PRKCB: variants seen among roughly 807,000 people sequenced by gnomAD.
PRKCB encodes the protein protein kinase C beta.
In PRKCB, 13 loss-of-function variants were observed where a neutral mutation model predicts 81.5. That is an observed-to-expected ratio of 0.16 (90% CI 0.10 to 0.25). The LOEUF is 0.25. PRKCB is among the 10% of genes least tolerant of loss of function. The probability of loss-of-function intolerance (pLI) is 1.00; values close to 1 mark genes in which losing one functional copy is unlikely to be tolerated. For missense variants in PRKCB, 509 were observed against 875.7 expected (o/e 0.58, Z 5.29); for synonymous variants, 335 against 321.4 (o/e 1.04, Z -0.45).
intron 2 of PRKCB, among the ~76,000 whole-genome samples, chr16:23,839,816 G>C (rs1011797557): frequency 6.6e-6 from 1 of 152,180 alleles, no homozygotes; most frequent in Non-Finnish European, 1.5e-5. Flanking sequence ...CAATATCCAA[G>C]ATTCTTGGAC....
intron 2 of PRKCB, among the ~76,000 whole-genome samples, chr16:23,848,308 C>T (rs1962413353): frequency 6.6e-6 from 1 of 152,120 alleles, no homozygotes; most frequent in Non-Finnish European, 1.5e-5. Flanking sequence ...CTTGCCATGA[C>T]TCAAATCCTG....
chr16:23,840,340 C>A (rs926166654), intron 2 of PRKCB, among the ~76,000 whole-genome samples: 1 of 152,130 alleles, frequency 6.6e-6, no homozygotes, highest in African/African-American at 2.4e-5. Flanking sequence ...GCTCCACTAT[C>A]CCTGGGGAGT....
intron 2 of PRKCB, among the ~76,000 whole-genome samples, chr16:23,920,580 C>T (rs1475328779): frequency 2.0e-5 from 3 of 152,194 alleles, no homozygotes; most frequent in African/African-American, 7.2e-5. Flanking sequence ...AGCAGAGCCC[C>T]TGGAAAGGCT....
intron 2 of PRKCB, among the ~76,000 whole-genome samples, chr16:23,901,338 T>C (rs1459031553): frequency 6.6e-6 from 1 of 152,094 alleles, no homozygotes; most frequent in African/African-American, 2.4e-5. Flanking sequence ...TGGGTTCTCT[T>C]GCTTAAAAAA....
intron 3 of PRKCB, among the ~76,000 whole-genome samples, chr16:24,020,974 CTTTTTCTTTCTTTCTTTCTTTCTTTCTT>C (rs1229837012): frequency 1.2e-4 from 12 of 96,442 alleles, no homozygotes; most frequent in African/African-American, 4.4e-4. Context: ...AGAGACTTTT[CTTTTTCTTTCTTTCTTTCTTTCTTTCTT>C]TCTTTCTTTC....
chr16:23,939,873 G>A (rs146293977), intron 2 of PRKCB, among the ~76,000 whole-genome samples: 1 of 152,236 alleles, frequency 6.6e-6, no homozygotes, highest in African/African-American at 2.4e-5. Context: ...GAAACTAAAC[G>A]CTATTGTTCT....
At chr16:24,103,161 C>T (rs1417483402) in intron 7 of PRKCB, among the ~76,000 whole-genome samples, 1 of 152,210 alleles carries the variant, frequency 6.6e-6, no homozygotes, top group Admixed American at 6.5e-5. Flanking sequence ...GTGTGAACCA[C>T]CGCACGTGGC....
intron 2 of PRKCB, among the ~76,000 whole-genome samples, chr16:23,902,732 C>CCCTCCCTCCCTCCCTTCCCT (rs1175142476): frequency 9.0e-5 from 1 of 11,114 alleles, no homozygotes; most frequent in Admixed American, 1.1e-3. Flanking sequence ...CTCCCTTCCT[C>CCCTCCCTCCCTCCCTTCCCT]CCTTCCTTCC....
At chr16:24,149,219 T>G (rs1156262884) in intron 9 of PRKCB, among the ~76,000 whole-genome samples, 1 of 152,170 alleles carries the variant, frequency 6.6e-6, no homozygotes, top group African/African-American at 2.4e-5. Context: ...CCACATTCTG[T>G]TCATTAAGGC....
At chr16:23,942,308 C>T (rs373788244) in intron 2 of PRKCB, among the ~76,000 whole-genome samples, 9 of 152,322 alleles carry the variant, frequency 5.9e-5, no homozygotes, top group Admixed American at 2.0e-4. Context: ...TTCTTTTAAA[C>T]GTCACACTTG....
At chr16:23,895,331 TCAAA>T (rs1356857112) in intron 2 of PRKCB, among the ~76,000 whole-genome samples, 3 of 152,152 alleles carry the variant, frequency 2.0e-5, no homozygotes, top group African/African-American at 2.4e-5. Flanking sequence ...ATTTTTCCCC[TCAAA>T]CAACCACCTC....
chr16:24,209,003 G>A (rs1225710050), intron 16 of PRKCB, among the ~76,000 whole-genome samples: 5 of 152,188 alleles, frequency 3.3e-5, no homozygotes, highest in African/African-American at 1.2e-4. Context: ...AGGCAGGAGG[G>A]AGTGGGGAGA....
chr16:23,941,749 G>A (rs995222924), intron 2 of PRKCB, among the ~76,000 whole-genome samples: 3 of 152,118 alleles, frequency 2.0e-5, no homozygotes, highest in Admixed American at 6.5e-5. Flanking sequence ...TACTTTTTCA[G>A]CATGATGAAG....
At chr16:24,206,717 A>T (rs1968052622) in intron 16 of PRKCB, among the ~76,000 whole-genome samples, 1 of 152,154 alleles carries the variant, frequency 6.6e-6, no homozygotes, top group East Asian at 1.9e-4. Context: ...CAATGGCAGC[A>T]CCTGTCCCAT....
intron 5 of PRKCB, among the ~76,000 whole-genome samples, chr16:24,038,911 A>T (rs574230465): frequency 2.8e-4 from 42 of 152,264 alleles, no homozygotes; most frequent in Admixed American, 2.0e-3. Flanking sequence ...GTGCTGTGGG[A>T]TGACTTGTGT....
intron 2 of PRKCB, among the ~76,000 whole-genome samples, chr16:23,941,068 A>G (rs1964135268): frequency 6.6e-6 from 1 of 152,190 alleles, no homozygotes; most frequent in Non-Finnish European, 1.5e-5. Flanking sequence ...GACTGCCTAG[A>G]TTAGGGGTTG....
chr16:24,185,370 G>T, intron 14 of PRKCB, 90 bp from the exon 15 acceptor site: 2 of 1,296,480 alleles, frequency 1.5e-6, no homozygotes, highest in Non-Finnish European at 2.2e-6. Context: ...TTCACTGTGG[G>T]CCCCAGGGAG....
chr16:24,155,170 G>A (rs1258236948), intron 10 of PRKCB, among the ~76,000 whole-genome samples: 1 of 152,214 alleles, frequency 6.6e-6, no homozygotes, highest in African/African-American at 2.4e-5. Flanking sequence ...TTCACAGCTT[G>A]TGGATCTAGA....
At chr16:24,120,212 G>A (rs56382598) in intron 8 of PRKCB, among the ~76,000 whole-genome samples, 6 of 152,196 alleles carry the variant, frequency 3.9e-5, no homozygotes, top group South Asian at 2.1e-4. Flanking sequence ...GGGGGGCGTC[G>A]ACTGGGAACT....
Sources: allele counts gnomAD v4.1 joint callset (sites outside exome capture counted in the v4.1 genomes callset), GRCh38; gene constraint gnomAD v4.1.1; transcripts MANE v1.5; gene names NCBI Gene and HGNC (gene_info 2026-07-23, HGNC 2026-07-21).